Variants in MTREX observed in about 807,000 individuals in gnomAD.
The protein encoded by MTREX is Mtr4 exosome RNA helicase, also known as exosome RNA helicase MTR4.
MTREX carries 76 observed loss-of-function variants against 135.4 expected under a neutral mutation model. The observed-to-expected ratio is 0.56, with a 90% CI of 0.47 to 0.68. The LOEUF (loss-of-function observed/expected upper bound fraction) is 0.68, where lower values mean the gene tolerates loss of function less well. Among genes scored for constraint, MTREX ranks in the 30% least tolerant of loss-of-function variants. The probability of loss-of-function intolerance (pLI) is 0.00; values close to 1 mark genes in which losing one functional copy is unlikely to be tolerated. For synonymous variants in MTREX, 404 were observed against 401.6 expected (o/e 1.01, Z -0.07); for missense variants, 920 against 1,262.1 (o/e 0.73, Z 4.11).
chr5:55,371,645 T>G (rs978265806), intron 16 of MTREX, among the ~76,000 whole-genome samples: 2 of 152,192 alleles, frequency 1.3e-5, no homozygotes, highest in Non-Finnish European at 2.9e-5. Context: ...TTAAGTTAAT[T>G]TGCTTCATAG....
At chr5:55,361,350 A>G (rs74360414) in intron 15 of MTREX, among the ~76,000 whole-genome samples, 1 of 151,960 alleles carries the variant, frequency 6.6e-6, no homozygotes, top group East Asian at 1.9e-4. Context: ...ATATTTAATT[A>G]TTTTTCCTAT....
chr5:55,331,925 T>G (rs563756855), intron 5 of MTREX, among the ~76,000 whole-genome samples: 1 of 152,312 alleles, frequency 6.6e-6, no homozygotes, highest in South Asian at 2.1e-4. Context: ...GGTGGGTGGG[T>G]AAAGCCAGTT....
At chr5:55,419,758 C>A (rs1751024779) in intron 25 of MTREX, among the ~76,000 whole-genome samples, 1 of 152,214 alleles carries the variant, frequency 6.6e-6, no homozygotes, top group Admixed American at 6.5e-5. Context: ...AAACTATTTA[C>A]TGTACCTCTG....
chr5:55,377,432 C>T (rs1579880418), intron 16 of MTREX, among the ~76,000 whole-genome samples: 1 of 152,098 alleles, frequency 6.6e-6, no homozygotes, highest in East Asian at 1.9e-4. Context: ...CAGTTATATC[C>T]TAGTTCAATT....
chr5:55,339,947 C>A, intron 5 of MTREX, 63 bp from the exon 6 acceptor site: 1 of 1,260,332 alleles, frequency 7.9e-7, no homozygotes, highest in South Asian at 2.1e-5. Context: ...TAAATATTAA[C>A]AGAATTTTTA....
At chr5:55,318,830 T>G (rs1347832412) in intron 1 of MTREX, among the ~76,000 whole-genome samples, 1 of 152,160 alleles carries the variant, frequency 6.6e-6, no homozygotes, top group Admixed American at 6.5e-5. Context: ...ATACAATGGT[T>G]GTACACAACA....
chr5:55,352,917 T>C (rs1293432324), intron 13 of MTREX, among the ~76,000 whole-genome samples: 1 of 152,216 alleles, frequency 6.6e-6, no homozygotes, highest in Non-Finnish European at 1.5e-5. Flanking sequence ...TTCTCTCTAG[T>C]TGGCACTGTT....
intron 1 of MTREX, among the ~76,000 whole-genome samples, chr5:55,313,860 G>A (rs544134990): frequency 2.2e-4 from 33 of 151,778 alleles, no homozygotes; most frequent in Non-Finnish European, 3.5e-4. Flanking sequence ...CAAATTGTGC[G>A]TACATGTGTC....
At chr5:55,374,935 G>A (rs1220057437) in intron 16 of MTREX, among the ~76,000 whole-genome samples, 1 of 152,128 alleles carries the variant, frequency 6.6e-6, no homozygotes, top group African/African-American at 2.4e-5. Context: ...ACAAAAGAGA[G>A]AAATTTTAAA....
At chr5:55,339,765 G>A (rs1749614203) in intron 5 of MTREX, among the ~76,000 whole-genome samples, 1 of 152,164 alleles carries the variant, frequency 6.6e-6, no homozygotes, top group South Asian at 2.1e-4. Flanking sequence ...GTAACTGTTA[G>A]TAATCTATTG....
chr5:55,424,733 C>G lies in MTREX; in HGVS notation c.3090C>G (p.Ile1030Met). The part of the protein sequence containing the change: ...ENKFAEGITK[I>M]KRDIVFAASL... The stretch of plus-strand genomic sequence containing the variant: ...CTTTTCTCTTAGGAATCACCAAAAT[C>G]AAGAGAGATATTGTGTTTGCTGCCA... Residue 1030 changes from isoleucine to methionine, a missense_variant, in exon 27 of 27, where the codon ATC becomes ATG. Physicochemically the swap from Ile to Met is conservative, Grantham distance 10. Coordinates refer to ENST00000230640, the MANE Select transcript of MTREX (RefSeq NM_015360.5). 6.2e-7 allele frequency: 1 copy of G among 1,611,630 alleles called. No individual in the cohort carries two copies. Among genetic ancestry groups the G allele is most frequent in the Non-Finnish European group, 8.5e-7 (1 of 1,177,950 alleles).
intron 23 of MTREX, among the ~76,000 whole-genome samples, chr5:55,413,830 A>G (rs1476773558): frequency 6.6e-6 from 1 of 152,246 alleles, no homozygotes; most frequent in Non-Finnish European, 1.5e-5. Flanking sequence ...AAGTTAAACT[A>G]TGATAAAACC....
chr5:55,412,415 A>G (rs75867764), intron 23 of MTREX, among the ~76,000 whole-genome samples: 189 of 152,342 alleles, frequency 1.2e-3, no homozygotes, highest in African/African-American at 4.4e-3. Flanking sequence ...TAAGCACCCA[A>G]TGTGGGCAGT....
At chr5:55,315,997 A>G (rs761458099) in intron 1 of MTREX, among the ~76,000 whole-genome samples, 9 of 152,174 alleles carry the variant, frequency 5.9e-5, no homozygotes, top group Non-Finnish European at 1.3e-4. Flanking sequence ...ATCAGAAACT[A>G]TTATGAACAC....
intron 17 of MTREX, among the ~76,000 whole-genome samples, 180 bp from the exon 18 acceptor site, chr5:55,378,947 G>A (rs1750350072): frequency 6.6e-6 from 1 of 152,116 alleles, no homozygotes; most frequent in Non-Finnish European, 1.5e-5. Flanking sequence ...ATGAAATTTG[G>A]CATTGATTTT....
chr5:55,357,834 A>T (rs1337458485), intron 14 of MTREX, among the ~76,000 whole-genome samples: 1 of 152,228 alleles, frequency 6.6e-6, no homozygotes, highest in Non-Finnish European at 1.5e-5. Flanking sequence ...GCCTGTATAC[A>T]GGTGGCTTAC....
intron 2 of MTREX, among the ~76,000 whole-genome samples, chr5:55,322,717 T>TA (rs551505829): frequency 1.7e-4 from 26 of 151,876 alleles, no homozygotes; most frequent in Non-Finnish European, 3.1e-4. Context: ...AAAACCTGAT[T>TA]AAAAAAAATA....
intron 13 of MTREX, among the ~76,000 whole-genome samples, chr5:55,352,558 C>G (rs1018936486): frequency 2.0e-5 from 3 of 152,142 alleles, no homozygotes; most frequent in African/African-American, 7.2e-5. Flanking sequence ...AGTCATTATA[C>G]TACCCCTATT....
chr5:55,313,079 T>C (rs1311683890), intron 1 of MTREX, among the ~76,000 whole-genome samples: 1 of 152,202 alleles, frequency 6.6e-6, no homozygotes, highest in African/African-American at 2.4e-5. Flanking sequence ...ACAATTAACA[T>C]CACAGGGTTT....
Sources: allele counts gnomAD v4.1 joint callset (sites outside exome capture counted in the v4.1 genomes callset), GRCh38; gene constraint gnomAD v4.1.1; transcripts MANE v1.5; gene names NCBI Gene and HGNC (gene_info 2026-07-23, HGNC 2026-07-21).